The following L3MBTL4 variants were observed in gnomAD, a reference collection of about 807,000 sequenced individuals.
L3MBTL4 encodes the protein L3MBTL histone methyl-lysine binding protein 4.
In L3MBTL4, 70 loss-of-function variants were observed where a neutral mutation model predicts 84.5. That is an observed-to-expected ratio of 0.83 (90% CI 0.68 to 1.01). The LOEUF (loss-of-function observed/expected upper bound fraction) is 1.01. Among genes scored for constraint, L3MBTL4 ranks in the 50% least tolerant of loss-of-function variants. The probability of loss-of-function intolerance (pLI) is 0.00; values close to 1 mark genes in which losing one functional copy is unlikely to be tolerated. For synonymous variants in L3MBTL4, 274 were observed against 259.8 expected (o/e 1.05, Z -0.52); for missense variants, 715 against 754.8 (o/e 0.95, Z 0.62).
chr18:6,220,273 T>C (rs550654928), intron 10 of L3MBTL4, among the ~76,000 whole-genome samples: 3 of 152,104 alleles, frequency 2.0e-5, no homozygotes, highest in Non-Finnish European at 4.4e-5. Flanking sequence ...AAGCAAGTGC[T>C]TACCATGACC....
intron 14 of L3MBTL4, among the ~76,000 whole-genome samples, chr18:6,100,382 ACTTT>A (rs2143838458): frequency 6.6e-6 from 1 of 152,174 alleles, no homozygotes; most frequent in African/African-American, 2.4e-5. Context: ...CTTTGGTAAG[ACTTT>A]CTATTCTGTC....
chr18:6,158,821 C>G (rs1395646540), intron 13 of L3MBTL4, among the ~76,000 whole-genome samples: 3 of 152,162 alleles, frequency 2.0e-5, no homozygotes, highest in African/African-American at 7.2e-5. Flanking sequence ...TTCTTACGTG[C>G]CTCAGTAAGG....
chr18:6,405,616 A>AAACACAGGGGCTGGGCCCAAGGGCCCC (rs1555762326), intron 1 of L3MBTL4, among the ~76,000 whole-genome samples: 2 of 151,476 alleles, frequency 1.3e-5, no homozygotes, highest in Non-Finnish European at 2.9e-5. Context: ...CCGAGGGCCC[A>AAACACAGGGGCTGGGCCCAAGGGCCCC]CTAAACACAG....
chr18:6,382,878 G>A (rs150985000), intron 1 of L3MBTL4, among the ~76,000 whole-genome samples: 58 of 147,146 alleles, frequency 3.9e-4, no homozygotes, highest in South Asian at 1.1e-3. Flanking sequence ...GAGCTGCCAG[G>A]CAGGGACGTT....
At chr18:6,076,986 T>A (rs1400196868) in intron 16 of L3MBTL4, among the ~76,000 whole-genome samples, 1 of 152,034 alleles carries the variant, frequency 6.6e-6, no homozygotes, top group Non-Finnish European at 1.5e-5. Context: ...TCCTTCCTCA[T>A]GAATGCAAAT....
At chr18:6,404,239 C>T (rs2055629410) in intron 1 of L3MBTL4, among the ~76,000 whole-genome samples, 1 of 152,174 alleles carries the variant, frequency 6.6e-6, no homozygotes, top group African/African-American at 2.4e-5. Context: ...CCCCGAAAAG[C>T]TGTTGAAATA....
chr18:5,968,463 T>A (rs766085480), intron 17 of L3MBTL4, among the ~76,000 whole-genome samples: 9 of 152,082 alleles, frequency 5.9e-5, no homozygotes, highest in Non-Finnish European at 1.3e-4. Context: ...TTTGGGAGGC[T>A]GAGGTGGGAG....
At chr18:6,355,528 C>T (rs1316761412) in intron 1 of L3MBTL4, among the ~76,000 whole-genome samples, 4 of 151,704 alleles carry the variant, frequency 2.6e-5, no homozygotes, top group Admixed American at 2.6e-4. Flanking sequence ...AGAACTTGAG[C>T]AAAATAGATG....
intron 16 of L3MBTL4, among the ~76,000 whole-genome samples, chr18:5,987,395 G>A (rs907377382): frequency 2.6e-5 from 4 of 152,242 alleles, no homozygotes; most frequent in Non-Finnish European, 5.9e-5. Flanking sequence ...ACCATGGGGC[G>A]AAGCCCAGCA....
intron 16 of L3MBTL4, among the ~76,000 whole-genome samples, chr18:5,984,049 C>G (rs2053357087): frequency 6.6e-6 from 1 of 152,052 alleles, no homozygotes; most frequent in African/African-American, 2.4e-5. Context: ...GTAGCTGGGA[C>G]TACAGGTGCA....
At chr18:6,368,698 C>T (rs1198451959) in intron 1 of L3MBTL4, among the ~76,000 whole-genome samples, 3 of 152,170 alleles carry the variant, frequency 2.0e-5, no homozygotes, top group Admixed American at 2.0e-4. Context: ...GATTAATTCA[C>T]TTTAAGCAAC....
chr18:5,981,893 T>C (rs1376955233), intron 16 of L3MBTL4, among the ~76,000 whole-genome samples: 1 of 151,872 alleles, frequency 6.6e-6, no homozygotes, highest in African/African-American at 2.4e-5. Context: ...CTAGAATAAA[T>C]ATCTCCCGAT....
At chr18:6,300,267 G>A (rs905721482) in intron 4 of L3MBTL4, among the ~76,000 whole-genome samples, 3 of 152,092 alleles carry the variant, frequency 2.0e-5, no homozygotes, top group South Asian at 2.1e-4. Flanking sequence ...CAATTTGCAC[G>A]ACAACTAGCA....
At chr18:5,970,707 A>T (rs1251782160) in intron 16 of L3MBTL4, among the ~76,000 whole-genome samples, 1 of 152,256 alleles carries the variant, frequency 6.6e-6, no homozygotes, top group East Asian at 1.9e-4. Flanking sequence ...AGCAGTAGGC[A>T]CATAATTTAA....
chr18:6,281,134 G>T (rs1436353340), intron 4 of L3MBTL4, among the ~76,000 whole-genome samples: 1 of 152,064 alleles, frequency 6.6e-6, no homozygotes, highest in Non-Finnish European at 1.5e-5. Context: ...CTCAGTAACT[G>T]GGAAAATTGA....
At chr18:5,958,943 C>A (rs16949066) in intron 18 of L3MBTL4, among the ~76,000 whole-genome samples, 1 of 152,298 alleles carries the variant, frequency 6.6e-6, no homozygotes, top group South Asian at 2.1e-4. Flanking sequence ...CCTTGATCAT[C>A]GCTACCTGCA....
intron 5 of L3MBTL4, among the ~76,000 whole-genome samples, chr18:6,249,788 A>G (rs1313106052): frequency 6.6e-6 from 1 of 152,242 alleles, no homozygotes; most frequent in Non-Finnish European, 1.5e-5. Context: ...AACTAGAGTT[A>G]CATACTTAAA....
chr18:5,973,556 C>A (rs1393998899), intron 16 of L3MBTL4, among the ~76,000 whole-genome samples: 4 of 152,054 alleles, frequency 2.6e-5, no homozygotes, highest in Admixed American at 1.3e-4. Context: ...CAAAGCCCAG[C>A]ACGATTTATG....
chr18:6,379,796 T>G (rs1264021589), intron 1 of L3MBTL4, among the ~76,000 whole-genome samples: 1 of 152,242 alleles, frequency 6.6e-6, no homozygotes, highest in Non-Finnish European at 1.5e-5. Flanking sequence ...GTTTTGTCTC[T>G]GCCAGGTTTT....
Sources: gnomAD v4.1 joint callset for allele counts (sites outside exome capture counted in the v4.1 genomes callset) on GRCh38, gnomAD v4.1.1 for gene constraint, MANE v1.5 for transcripts, NCBI Gene and HGNC (gene_info 2026-07-23, HGNC 2026-07-21) for gene names.